Variants in CIT observed in about 807,000 individuals in gnomAD.
CIT encodes the protein citron rho-interacting serine/threonine kinase.
In CIT, 79 loss-of-function variants were observed where a neutral mutation model predicts 272.7. The observed-to-expected ratio is 0.29, with a 90% CI of 0.24 to 0.35. The LOEUF is 0.35. Among genes scored for constraint, CIT ranks in the 10% least tolerant of loss-of-function variants. The pLI is 1.00. For synonymous variants in CIT, 948 were observed against 995.6 expected, an observed-to-expected ratio of 0.95 and a Z score of 0.90; for missense variants, 1,909 against 2,618.3, an observed-to-expected ratio of 0.73 and a Z score of 5.91.
At chr12:119,729,474 C>A (rs544184262) in intron 27 of CIT, among the ~76,000 whole-genome samples, 35 of 152,166 alleles carry the variant, frequency 2.3e-4, no homozygotes, top group African/African-American at 8.2e-4. Context: ...TACTTCCATG[C>A]AATTTATTTT....
intron 23 of CIT, among the ~76,000 whole-genome samples, chr12:119,744,656 A>G (rs1408445891): frequency 7.0e-6 from 1 of 143,524 alleles, no homozygotes; most frequent in African/African-American, 2.6e-5. Flanking sequence ...CAGAGCTTGC[A>G]GTGAGCTGAG....
Position 119,713,362 on chromosome 12 carries a change from T to C in CIT, c.4488-68A>G. The C allele has an allele frequency of 6.3e-7, 1 of 1,583,758 alleles. No individual in the cohort carries two copies. The highest frequency in any genetic ancestry group is 1.1e-5 in the South Asian group (1 of 89,796). ...AGAAACATCCGGCTGGAGGATAGGATGAGGGGGTGGCAGAGTTCCTAGAAA... is the reference window on the plus strand; with the variant it reads ...AGAAACATCCGGCTGGAGGATAGGACGAGGGGGTGGCAGAGTTCCTAGAAA... On this transcript the variant is annotated intron_variant, in intron 34 of 47. Coordinates refer to ENST00000392521, the MANE Select transcript of CIT (RefSeq NM_001206999.2). This position sits in a 1 kb window ranked among gnomAD's most constrained non-coding sequence, Gnocchi z 5.2.
intron 3 of CIT, among the ~76,000 whole-genome samples, chr12:119,865,636 G>A (rs142768524): frequency 2.0e-5 from 3 of 152,122 alleles, no homozygotes; most frequent in African/African-American, 7.2e-5. Flanking sequence ...TTCGGAGGCC[G>A]AGGCAGGCAG....
chr12:119,720,081 A>T (rs1957747677), intron 30 of CIT, among the ~76,000 whole-genome samples: 1 of 152,140 alleles, frequency 6.6e-6, no homozygotes, highest in Admixed American at 6.5e-5. Flanking sequence ...GGAGTGTGGT[A>T]CGAGAGACCT....
At chr12:119,756,831 A>T (rs1161719984) in intron 22 of CIT, among the ~76,000 whole-genome samples, 1 of 152,092 alleles carries the variant, frequency 6.6e-6, no homozygotes, top group Admixed American at 6.6e-5. Flanking sequence ...TCTCTTTTAG[A>T]AAGCTAGCAC....
intron 23 of CIT, among the ~76,000 whole-genome samples, 179 bp downstream of exon 23, chr12:119,751,871 C>T (rs1320709889): frequency 6.6e-6 from 1 of 152,218 alleles, no homozygotes. Context: ...CCAAGCTCAT[C>T]TACTAGTTCC....
intron 5 of CIT, among the ~76,000 whole-genome samples, 165 bp downstream of exon 5, chr12:119,850,009 T>C (rs1970098944): frequency 6.6e-6 from 1 of 152,174 alleles, no homozygotes; most frequent in East Asian, 1.9e-4. Flanking sequence ...TCTAAATGGG[T>C]TAGCTCTTGA....
At chr12:119,792,855 G>A (rs966314250) in intron 10 of CIT, among the ~76,000 whole-genome samples, 13 of 151,956 alleles carry the variant, frequency 8.6e-5, no homozygotes, top group Non-Finnish European at 1.6e-4. Context: ...CTAGCTACTC[G>A]GGAGGCTGAG....
intron 28 of CIT, among the ~76,000 whole-genome samples, chr12:119,725,182 G>A (rs143843933): frequency 6.6e-6 from 1 of 152,214 alleles, no homozygotes; most frequent in Admixed American, 6.5e-5. Context: ...TAGCACATTG[G>A]GAGGCTGAGG....
At chr12:119,873,263 CTTTTCTT>C in intron 2 of CIT, among the ~76,000 whole-genome samples, 1 of 147,996 alleles carries the variant, frequency 6.8e-6, no homozygotes, top group East Asian at 1.9e-4. Context: ...AATTTTTTTC[CTTTTCTT>C]TTTTTTTTTT....
At chr12:119,858,390 G>A (rs888018991) in intron 3 of CIT, among the ~76,000 whole-genome samples, 12 of 152,060 alleles carry the variant, frequency 7.9e-5, no homozygotes, top group East Asian at 3.9e-4. Context: ...TGTGGTGCAC[G>A]CCTGTAATTC....
chr12:119,721,579 G>T, intron 28 of CIT, 130 bp from the exon 29 acceptor site: 1 of 863,604 alleles, frequency 1.2e-6, no homozygotes, highest in Non-Finnish European at 1.7e-6. Flanking sequence ...TCTCAATTCA[G>T]AATTACCAAT....
intron 27 of CIT, among the ~76,000 whole-genome samples, chr12:119,729,214 T>A (rs1487100783): frequency 6.6e-6 from 1 of 152,176 alleles, no homozygotes; most frequent in African/African-American, 2.4e-5. Flanking sequence ...ATAAAAGGCC[T>A]CACATAGCTC....
At chr12:119,767,049 T>C (rs759840040) in intron 19 of CIT, 38 bp downstream of exon 19, 42 of 1,524,534 alleles carry the variant, frequency 2.8e-5, no homozygotes, top group African/African-American at 8.2e-5. Flanking sequence ...CATGGTACTA[T>C]AGGAGCAAGG....
Position 119,776,648 on chromosome 12 carries a change from C to A in CIT, c.1836+24G>T, listed in dbSNP as rs749046249. 10 of 1,591,818 alleles carry A rather than the reference C, an allele frequency of 6.3e-6. 1 individual carries two copies. The South Asian group carries it at 1.1e-4, about 18-fold the overall frequency. Reference sequence around the variant, plus strand: ...CATGTACAATTTTACCCAAAAAGCACCCTCCTGGAGGGTGGCTGACTACCT... The same window carrying A: ...CATGTACAATTTTACCCAAAAAGCAACCTCCTGGAGGGTGGCTGACTACCT... On this transcript the variant is annotated intron_variant, in intron 14 of 47. Coordinates refer to ENST00000392521, the MANE Select transcript of CIT (RefSeq NM_001206999.2).
rs34483318 is a variant in CIT at position 119,703,421 on chromosome 12, C to CTTT, written c.5304+939_5304+941dup. On this transcript the variant is annotated intron_variant, in intron 41 of 47. Transcript: ENST00000392521. Reference sequence around the variant, plus strand: ...TATATATTATTCACCCTTCATTTCACTTTTTTTTTTTTTTTTTTTTTTGAG... The same window carrying CTTT: ...TATATATTATTCACCCTTCATTTCACTTTTTTTTTTTTTTTTTTTTTTTTTGAG... Among the ~76,000 whole-genome samples the CTTT allele has an allele frequency of 2.8e-4, 30 of 105,716 alleles. No homozygotes were observed. In the East Asian group the frequency reaches 3.0e-3, roughly 11 times the overall value. The allele number at this position is 105,716 out of a possible 152,430, so 69.4% of individuals were successfully genotyped here. A position where few individuals can be genotyped will look rare whatever the true frequency, so the allele number is the denominator to read the frequency against.
chr12:119,728,518 T>C lies in CIT; in HGVS notation c.3575A>G (p.Gln1192Arg). ...CACACTCACCTCTTCCAGAAGCCTC[T>C]GTTTGAGCTCTCGTTCAGTCTCCAG... ...QKLETERELK[Q>R]RLLEEQAKLQ... Residue 1192 changes from glutamine (Q) to arginine (R), a missense_variant, in exon 28 of 48, where the codon CAG (glutamine) becomes CGG (arginine). Gln to Arg is a conservative substitution (Grantham distance 43). Transcript: ENST00000392521. This position sits in a 1 kb window ranked among gnomAD's most constrained non-coding sequence, Gnocchi z 4.3. 6.2e-7 allele frequency: 1 copy of C among 1,611,112 alleles called. No individual in the cohort carries two copies.
At chr12:119,801,126 C>A (rs532356926) in intron 10 of CIT, among the ~76,000 whole-genome samples, 2 of 152,154 alleles carry the variant, frequency 1.3e-5, no homozygotes, top group Non-Finnish European at 2.9e-5. Flanking sequence ...TTTGCATGGA[C>A]CTTTTTTGAA....
chr12:119,868,178 T>C (rs930098341), intron 3 of CIT, among the ~76,000 whole-genome samples: 3 of 152,100 alleles, frequency 2.0e-5, no homozygotes, highest in African/African-American at 7.2e-5. Flanking sequence ...AGCCATGATA[T>C]ACCACTGCAA....
Sources: gnomAD v4.1 joint callset for allele counts (sites outside exome capture counted in the v4.1 genomes callset) on GRCh38, gnomAD v4.1.1 for gene constraint, Gnocchi (gnomAD v3.1) non-coding constraint, MANE v1.5 for transcripts, NCBI Gene and HGNC (gene_info 2026-07-23, HGNC 2026-07-21) for gene names.